The following CALN1 variants were observed in gnomAD, a reference collection of about 807,000 sequenced individuals.
CALN1 encodes calcium-binding protein 8.
Under a neutral mutation model 30.6 loss-of-function variants are expected in CALN1, and 17 were observed. That is an observed-to-expected ratio of 0.56 (90% CI 0.38 to 0.83). The LOEUF is 0.83. Ranked by LOEUF, CALN1 falls within the 40% of genes least tolerant of loss-of-function variation. The probability of loss-of-function intolerance (pLI) is 0.00; values close to 1 mark genes in which losing one functional copy is unlikely to be tolerated. For missense variants in CALN1, 291 were observed against 354.9 expected (o/e 0.82, Z 1.45); for synonymous variants, 156 against 131.4 (o/e 1.19, Z -1.28).
intron 4 of CALN1, among the ~76,000 whole-genome samples, chr7:72,095,761 G>A (rs1311936689): frequency 1.3e-5 from 2 of 152,152 alleles, no homozygotes; most frequent in African/African-American, 4.8e-5. Context: ...GGCCAAGCCT[G>A]GTAGCTCACG....
At chr7:72,135,520 A>G (rs1809447804) in intron 3 of CALN1, among the ~76,000 whole-genome samples, 1 of 152,186 alleles carries the variant, frequency 6.6e-6, no homozygotes, top group East Asian at 1.9e-4. Flanking sequence ...AATGAGCAGG[A>G]ATATTTTGAA....
At chr7:72,149,017 G>C (rs1036099493) in intron 3 of CALN1, among the ~76,000 whole-genome samples, 1 of 151,988 alleles carries the variant, frequency 6.6e-6, no homozygotes, top group Admixed American at 6.6e-5. Context: ...AATGAGCCTA[G>C]CATCTCCTGC....
intron 4 of CALN1, among the ~76,000 whole-genome samples, chr7:72,059,991 C>T (rs1418981794): frequency 6.6e-6 from 1 of 152,096 alleles, no homozygotes; most frequent in East Asian, 1.9e-4. Context: ...TACCACCAAA[C>T]CAGCAAAGAG....
At chr7:72,172,484 A>G (rs1789039747) in intron 3 of CALN1, among the ~76,000 whole-genome samples, 1 of 152,228 alleles carries the variant, frequency 6.6e-6, no homozygotes, top group Non-Finnish European at 1.5e-5. Context: ...ATAAGAAAAG[A>G]AAACTCCAGA....
chr7:72,043,661 C>T (rs1262684996), intron 4 of CALN1, among the ~76,000 whole-genome samples: 2 of 152,236 alleles, frequency 1.3e-5, no homozygotes, highest in East Asian at 3.9e-4. Flanking sequence ...GTCCCAGCCA[C>T]TCTGGAGGTC....
intron 3 of CALN1, among the ~76,000 whole-genome samples, chr7:72,211,039 G>C (rs747526019): frequency 1.3e-5 from 2 of 152,058 alleles, no homozygotes; most frequent in Non-Finnish European, 2.9e-5. Flanking sequence ...GGATGACAGA[G>C]CAAGACCCTA....
At chr7:72,009,604 T>C (rs980939307) in intron 5 of CALN1, among the ~76,000 whole-genome samples, 14 of 152,202 alleles carry the variant, frequency 9.2e-5, no homozygotes, top group African/African-American at 3.1e-4. Flanking sequence ...CCAAATCTCA[T>C]CTTGAATTGA....
intron 5 of CALN1, among the ~76,000 whole-genome samples, chr7:71,941,323 C>G (rs1796118729): frequency 6.6e-6 from 1 of 151,116 alleles, no homozygotes; most frequent in African/African-American, 2.4e-5. Flanking sequence ...TCCACTCCAG[C>G]CTGGGCGACA....
intron 2 of CALN1, among the ~76,000 whole-genome samples, chr7:72,356,903 G>A (rs990992794): frequency 1.3e-5 from 2 of 152,094 alleles, no homozygotes; most frequent in East Asian, 1.9e-4. Context: ...ATATATTAGT[G>A]CTTGTCAACG....
chr7:72,336,853 C>G (rs972721048), intron 2 of CALN1: 5 of 984,978 alleles, frequency 5.1e-6, no homozygotes, highest in Non-Finnish European at 6.0e-6. Flanking sequence ...CCCCAGCAGG[C>G]AGCCGCGTCC....
intron 6 of CALN1, among the ~76,000 whole-genome samples, chr7:71,808,796 C>A (rs888610842): frequency 2.6e-5 from 4 of 152,152 alleles, no homozygotes; most frequent in Non-Finnish European, 4.4e-5. Flanking sequence ...CGCTTGAGCC[C>A]CATGTGCTTT....
chr7:71,974,094 TCTTTATTAA>T (rs1187581669), intron 5 of CALN1, among the ~76,000 whole-genome samples: 2 of 152,082 alleles, frequency 1.3e-5, no homozygotes, highest in East Asian at 3.9e-4. Flanking sequence ...AAAATGATGA[TCTTTATTAA>T]CTTGGATCAT....
chr7:71,873,729 G>A (rs1460826742), intron 5 of CALN1, among the ~76,000 whole-genome samples: 2 of 152,202 alleles, frequency 1.3e-5, no homozygotes, highest in Admixed American at 6.5e-5. Flanking sequence ...TAGTTTTAAC[G>A]CACTGCAGAG....
At chr7:71,985,730 C>T (rs1227321050) in intron 5 of CALN1, among the ~76,000 whole-genome samples, 1 of 151,238 alleles carries the variant, frequency 6.6e-6, no homozygotes, top group African/African-American at 2.4e-5. Context: ...GCTGGGATTA[C>T]AGGTGCACAC....
chr7:71,913,950 T>G (rs1794559833), intron 5 of CALN1: 1 of 152,244 alleles, frequency 6.6e-6, no homozygotes, highest in African/African-American at 2.4e-5. Context: ...GGCTTATGGA[T>G]GACAGAAATG....
intron 3 of CALN1, among the ~76,000 whole-genome samples, chr7:72,110,839 T>C (rs930135959): frequency 3.9e-5 from 6 of 152,118 alleles, no homozygotes; most frequent in Non-Finnish European, 7.4e-5. Flanking sequence ...TCATTTTATT[T>C]TTAATAGCAA....
chr7:72,463,250 T>G, the CALN1 span, among the ~76,000 whole-genome samples: 4 of 152,174 alleles, frequency 2.6e-5, no homozygotes, highest in African/African-American at 9.7e-5. Context: ...TCCTCCCCAG[T>G]AGCTGGGATT....
chr7:72,378,838 AATTAC>A (rs1585617209), intron 2 of CALN1, among the ~76,000 whole-genome samples: 1 of 152,052 alleles, frequency 6.6e-6, no homozygotes, highest in Non-Finnish European at 1.5e-5. Context: ...AAAGTGCTGC[AATTAC>A]AGGCATGAGC....
chr7:72,069,785 C>T (rs184803662), intron 4 of CALN1, among the ~76,000 whole-genome samples: 2 of 152,288 alleles, frequency 1.3e-5, no homozygotes, highest in East Asian at 3.9e-4. Context: ...TACCATACCC[C>T]TACCCAATCT....
Sources: gnomAD v4.1 joint callset for allele counts (sites outside exome capture counted in the v4.1 genomes callset) on GRCh38, gnomAD v4.1.1 for gene constraint, MANE v1.5 for transcripts, NCBI Gene and HGNC (gene_info 2026-07-23, HGNC 2026-07-21) for gene names.